The following NHSL1 variants were observed in gnomAD, a reference collection of about 807,000 sequenced individuals.
NHSL1 encodes the protein NHS-like protein 1.
In NHSL1, 48 loss-of-function variants were observed where a neutral mutation model predicts 95.0. The observed-to-expected ratio is 0.51, with a 90% CI of 0.40 to 0.64. The LOEUF (loss-of-function observed/expected upper bound fraction) is 0.64, where lower values mean the gene tolerates loss of function less well. Ranked by LOEUF, NHSL1 falls within the 30% of genes least tolerant of loss-of-function variation. The pLI is 0.00. For synonymous variants in NHSL1, 783 were observed against 833.9 expected, an observed-to-expected ratio of 0.94 and a Z score of 1.05; for missense variants, 1,971 against 2,077.7, an observed-to-expected ratio of 0.95 and a Z score of 1.00.
At chr6:138,657,356 A>G (rs539022317) in intron 1 of NHSL1, among the ~76,000 whole-genome samples, 23 of 152,370 alleles carry the variant, frequency 1.5e-4, no homozygotes, top group Non-Finnish European at 3.2e-4. Context: ...CATTTCTCAT[A>G]GATTTACCTT....
In NHSL1 at chr6:138,460,475, A is replaced by AT. The variant is rs1225761868; in HGVS notation, c.339+12830dup. ...TGTTTGTAACTGTATATATACAGACATTTTTTGTGTCATTATTCCCTAAAC... is the reference window on the plus strand; with the variant it reads ...TGTTTGTAACTGTATATATACAGACATTTTTTTGTGTCATTATTCCCTAAAC... On this transcript the variant is annotated intron_variant, in intron 3 of 7. Transcript: ENST00000343505. Among the ~76,000 whole-genome samples, 9 of 152,230 alleles carry AT rather than the reference A, an allele frequency of 5.9e-5. No individual in the cohort carries two copies. In the South Asian group the frequency reaches 8.3e-4, roughly 14 times the overall value.
At chr6:138,525,032 T>C (rs932150369) in intron 1 of NHSL1, among the ~76,000 whole-genome samples, 4 of 152,052 alleles carry the variant, frequency 2.6e-5, no homozygotes, top group African/African-American at 9.7e-5. Context: ...CTACGAACCA[T>C]GATGGAGACA....
chr6:138,655,532 C>T (rs139625829), intron 1 of NHSL1, among the ~76,000 whole-genome samples: 1 of 152,170 alleles, frequency 6.6e-6, no homozygotes, highest in African/African-American at 2.4e-5. Flanking sequence ...GAAATAGACA[C>T]CTAACTTGGC....
At chr6:138,475,808 CA>C (rs1046616177) in intron 2 of NHSL1, among the ~76,000 whole-genome samples, 2 of 151,024 alleles carry the variant, frequency 1.3e-5, no homozygotes, top group African/African-American at 4.9e-5. Context: ...AAAACAAAAA[CA>C]AAAAAAAGCC....
intron 1 of NHSL1, among the ~76,000 whole-genome samples, chr6:138,589,252 A>T (rs1035709484): frequency 1.3e-5 from 2 of 152,180 alleles, no homozygotes; most frequent in Non-Finnish European, 2.9e-5. Context: ...TGAGGCGTGA[A>T]GGAGAAAGCA....
intron 3 of NHSL1, among the ~76,000 whole-genome samples, chr6:138,465,912 C>T (rs1404703173): frequency 4.0e-5 from 6 of 150,208 alleles, no homozygotes; most frequent in African/African-American, 1.5e-4. Flanking sequence ...TTAGTAGAGA[C>T]GGGGTTTTAC....
intron 5 of NHSL1, 62 bp from the exon 6 acceptor site, chr6:138,433,742 A>T: frequency 1.4e-6 from 2 of 1,413,762 alleles, no homozygotes; most frequent in Non-Finnish European, 1.9e-6. Flanking sequence ...CATCACGTGT[A>T]CCCTCACCCC....
At chr6:138,590,678 G>T (rs1489385654) in intron 1 of NHSL1, among the ~76,000 whole-genome samples, 1 of 152,140 alleles carries the variant, frequency 6.6e-6, no homozygotes. Context: ...CCTGACCCTT[G>T]AAGCGGCTGT....
chr6:138,669,658 G>A (rs552019474), intron 1 of NHSL1, among the ~76,000 whole-genome samples: 68 of 152,294 alleles, frequency 4.5e-4, no homozygotes, highest in African/African-American at 1.5e-3. Context: ...GCACAGTTGA[G>A]AACCTACCAA....
intron 1 of NHSL1, among the ~76,000 whole-genome samples, chr6:138,555,168 C>T (rs1258144195): frequency 1.3e-5 from 2 of 152,148 alleles, no homozygotes; most frequent in African/African-American, 2.4e-5. Flanking sequence ...TTGATCATGC[C>T]GAACATGATC....
chr6:138,536,555 T>C (rs557258446), intron 1 of NHSL1, among the ~76,000 whole-genome samples: 2 of 152,050 alleles, frequency 1.3e-5, no homozygotes, highest in Non-Finnish European at 2.9e-5. Context: ...CATTCAATCT[T>C]TTCAGCATTT....
chr6:138,683,492 G>A (rs987792970), intron 1 of NHSL1, among the ~76,000 whole-genome samples: 7 of 152,296 alleles, frequency 4.6e-5, no homozygotes, highest in South Asian at 2.1e-4. Context: ...CTTTTGATGC[G>A]TGTCTCAAAT....
In NHSL1 at chr6:138,473,314, C is replaced by T; in HGVS notation, c.331G>A (p.Asp111Asn). 10 of 1,541,770 alleles carry T rather than the reference C, an allele frequency of 6.5e-6. No homozygotes were observed. Among genetic ancestry groups the T allele is most frequent in the Non-Finnish European group, 8.7e-6 (10 of 1,143,418 alleles). ...DDYQDEDEET[D>N]QKCSLSSSEE... ...TGAACTTTGAAGCTTACCTTTTGAT[C>T]TGTTTCTTCATCTTCATCTTGGTAA... The change falls in exon 3 of 8, where the codon GAT (aspartate) becomes AAT (asparagine). Residue 111 changes from aspartate (D) to asparagine (N), a missense_variant. Transcript: ENST00000343505.
chr6:138,530,805 G>A (rs1782101421), intron 1 of NHSL1, among the ~76,000 whole-genome samples: 1 of 152,140 alleles, frequency 6.6e-6, no homozygotes, highest in Admixed American at 6.6e-5. Flanking sequence ...TGGGGACTTG[G>A]GGGAAAGGAT....
intron 2 of NHSL1, among the ~76,000 whole-genome samples, chr6:138,485,474 G>A (rs1256314806): frequency 6.6e-6 from 1 of 151,624 alleles, no homozygotes; most frequent in Non-Finnish European, 1.5e-5. Flanking sequence ...AAAAGGTATG[G>A]GGGTGGGGGC....
rs112328213 is a variant in NHSL1 at position 138,652,054 on chromosome 6, T to C, written c.96+40422A>G. Among the ~76,000 whole-genome samples the C allele has an allele frequency of 2.4e-3, 362 of 152,310 alleles. 5 individuals carry two copies. The highest frequency in any genetic ancestry group is 8.1e-3 in the African/African-American group (338 of 41,556). On this transcript the variant is annotated intron_variant, in intron 1 of 3. Transcript: ENST00000491526. ...TTCTGGTTGATAGTCCTTAAAGAAC[T>C]TTCACTTCATCTTCTTTGCTAGATG...
In NHSL1 at chr6:138,481,454, C is replaced by A. The variant is rs562903432; in HGVS notation, c.212-8021G>T. Among the ~76,000 whole-genome samples, 6 of 152,216 alleles carry A rather than the reference C, an allele frequency of 3.9e-5. 1 individual carries two copies. The South Asian group carries it at 1.2e-3, about 32-fold the overall frequency. On this transcript the variant is annotated intron_variant, in intron 2 of 7. Transcript: ENST00000343505. ...CCATAAATTCTTCAAAGCAGTTGAA[C>A]TTCAATTTATTTAAATTGTCTTCAA...
intron 1 of NHSL1, among the ~76,000 whole-genome samples, chr6:138,631,747 C>A (rs961580521): frequency 1.3e-5 from 2 of 152,126 alleles, no homozygotes; most frequent in African/African-American, 4.8e-5. Context: ...TGGTGAGCCT[C>A]TGAGACTCGT....
intron 3 of NHSL1, among the ~76,000 whole-genome samples, chr6:138,452,250 T>G (rs949772619): frequency 6.6e-6 from 1 of 152,120 alleles, no homozygotes; most frequent in African/African-American, 2.4e-5. Flanking sequence ...CTTTGTAAAT[T>G]TTGGATGCTG....
Sources: allele counts gnomAD v4.1 joint callset (sites outside exome capture counted in the v4.1 genomes callset), GRCh38; gene constraint gnomAD v4.1.1; transcripts MANE v1.5; gene names NCBI Gene and HGNC (gene_info 2026-07-23, HGNC 2026-07-21).